Variants in MTR observed in about 807,000 individuals in gnomAD.
MTR encodes 5-methyltetrahydrofolate-homocysteine methyltransferase.
MTR carries 84 observed loss-of-function variants against 154.8 expected under a neutral mutation model. The observed-to-expected ratio is 0.54, with a 90% CI of 0.45 to 0.65. The LOEUF (loss-of-function observed/expected upper bound fraction) is 0.65. Ranked by LOEUF, MTR falls within the 30% of genes least tolerant of loss-of-function variation. MTR has a pLI of 0.00. For synonymous variants in MTR, 554 were observed against 553.9 expected (o/e 1.00, Z 0.00); for missense variants, 1,275 against 1,570.2 (o/e 0.81, Z 3.18).
chr1:236,816,623 G>A (rs1234162836), intron 8 of MTR, 80 bp downstream of exon 8: 29 of 1,161,304 alleles, frequency 2.5e-5, no homozygotes, highest in African/African-American at 6.1e-5. Context: ...ACCTGGGAGG[G>A]GATTGCTTCT....
At chr1:236,809,651 A>G in intron 4 of MTR, among the ~76,000 whole-genome samples, 1 of 152,180 alleles carries the variant, frequency 6.6e-6, no homozygotes, top group South Asian at 2.1e-4. Flanking sequence ...TACCCACGTT[A>G]TTGGTTAGCT....
At chr1:236,885,426 T>C (rs1472877135) in intron 26 of MTR, among the ~76,000 whole-genome samples, 1 of 152,190 alleles carries the variant, frequency 6.6e-6, no homozygotes, top group African/African-American at 2.4e-5. Flanking sequence ...GAATTTTATT[T>C]ATTCAGCCAA....
At position 236,817,529 on chromosome 1, in the gene MTR, T is replaced by G. The variant is rs74146640; in HGVS notation, c.764+986T>G. On this transcript the variant is annotated intron_variant, in intron 8 of 32. Transcript: ENST00000366577. ...TGTTCTAAGTGCTTTATGTGAATTC[T>G]TTAATTCTGGCAATAACACCTTGAG... 1.2e-3 allele frequency among the ~76,000 whole-genome samples: 177 copies of G among 152,340 alleles called. 1 individual carries two copies. Among genetic ancestry groups the G allele is most frequent in the African/African-American group, 4.2e-3 (173 of 41,574 alleles).
rs1398094914 is a variant in MTR at position 236,874,917 on chromosome 1, AC to A, written c.2594+73del. The A allele has an allele frequency of 8.4e-6, 13 of 1,546,398 alleles. No individual in the cohort carries two copies. The East Asian group carries it at 2.8e-4, about 33-fold the overall frequency. On this transcript the variant is annotated intron_variant, in intron 24 of 32. Transcript: ENST00000366577. Reference sequence around the variant, plus strand: ...ATGCCAGTGTTTGAAACAGTGGGAAACCTGTGTTGTTTTGGATTTTCCCTTA... The same window carrying A: ...ATGCCAGTGTTTGAAACAGTGGGAAACTGTGTTGTTTTGGATTTTCCCTTA...
chr1:236,889,736 G>A (rs1414011391), intron 28 of MTR, among the ~76,000 whole-genome samples: 1 of 152,168 alleles, frequency 6.6e-6, no homozygotes, highest in Non-Finnish European at 1.5e-5. Flanking sequence ...GGACAAGGTG[G>A]TGTTCGAACT....
rs1201268917 is a variant in MTR at position 236,826,959 on chromosome 1, A to G, written c.995+63A>G. 8 of 1,458,516 alleles carry G rather than the reference A, an allele frequency of 5.5e-6. No individual in the cohort carries two copies. In the African/African-American group the frequency reaches 7.0e-5, roughly 13 times the overall value. 90.3% of individuals were successfully genotyped at this position (1,458,516 alleles called of 1,614,324 possible). A position where few individuals can be genotyped will look rare whatever the true frequency, so the allele number is the denominator to read the frequency against. On this transcript the variant is annotated intron_variant, in intron 11 of 32. Coordinates refer to ENST00000366577, the MANE Select transcript of MTR (RefSeq NM_000254.3). The stretch of plus-strand genomic sequence containing the variant: ...TGGATAATCAGGTAATAATCTAAAT[A>G]TGTACTTTTTGTTATGGGCTGAATT...
At chr1:236,819,446 C>G (rs549700031) in intron 8 of MTR, among the ~76,000 whole-genome samples, 11 of 152,114 alleles carry the variant, frequency 7.2e-5, no homozygotes, top group Non-Finnish European at 1.6e-4. Context: ...TTCTTTTTAA[C>G]GCTAAATAAT....
At chr1:236,804,581 A>G (rs1371625162) in intron 2 of MTR, among the ~76,000 whole-genome samples, 1 of 152,208 alleles carries the variant, frequency 6.6e-6, no homozygotes, top group South Asian at 2.1e-4. Context: ...TATTCCATGT[A>G]TATATCATCA....
chr1:236,842,653 A>G (rs1194972759), intron 15 of MTR, among the ~76,000 whole-genome samples: 1 of 151,892 alleles, frequency 6.6e-6, no homozygotes, highest in African/African-American at 2.4e-5. Context: ...TATCCTGAGC[A>G]CTTAGTATGT....
intron 2 of MTR, among the ~76,000 whole-genome samples, chr1:236,804,776 G>A (rs1030382515): frequency 6.6e-6 from 1 of 151,996 alleles, no homozygotes; most frequent in Non-Finnish European, 1.5e-5. Context: ...GGTGTGTGTC[G>A]TCCCAGATTC....
chr1:236,802,206 G>T (rs1201154961), intron 1 of MTR, among the ~76,000 whole-genome samples: 1 of 152,142 alleles, frequency 6.6e-6, no homozygotes, highest in Non-Finnish European at 1.5e-5. Context: ...TCTGGGAAGG[G>T]TGTTGCCATT....
In MTR at chr1:236,812,842, A is replaced by C. The variant is rs2103047978; in HGVS notation, c.607A>C (p.Lys203Gln). ...IETIFDTANA[K>Q]AALFALQNLF... ...AACTATTTTTGATACTGCCAATGCC[A>C]AGGTGAGTTAAGGGAGAAAAAACAG... The change falls in exon 6 of 33, where the codon AAG becomes CAG. Residue 203 changes from lysine (K) to glutamine (Q), a missense_variant and splice_region_variant. Transcript: ENST00000366577. 6.2e-7 allele frequency: 1 copy of C among 1,613,368 alleles called. No homozygotes were observed. The highest frequency in any genetic ancestry group is 1.1e-5 in the South Asian group (1 of 91,062).
chr1:236,901,933 T>TACGCA lies in MTR; in HGVS notation c.*4293_*4294insAACGC, dbSNP rs368765027. ...GTTGGTTCTCAAGCCCTGGCGATTT[T>TACGCA]ACGCGCTAGATAGGTCTTAAGTTCA... On this transcript the variant is annotated 3_prime_UTR_variant, in exon 33 of 33. Coordinates refer to ENST00000366577, the MANE Select transcript of MTR (RefSeq NM_000254.3). 6.6e-6 allele frequency: 1 copy of TACGCA among 152,274 alleles called. No individual in the cohort carries two copies. Among genetic ancestry groups the TACGCA allele is most frequent in the African/African-American group, 2.4e-5 (1 of 41,450 alleles). 9.4% of individuals were successfully genotyped at this position (152,274 alleles called of 1,614,324 possible). A position where few individuals can be genotyped will look rare whatever the true frequency, so the allele number is the denominator to read the frequency against.
Position 236,795,406 on chromosome 1 carries a change from C to T in MTR, c.-298C>T. ...TCCTTTTCCGTGCCGTCCCGCGACT[C>T]CGCCTCTGGCCGCGCGTGTCTGGCT... is the stretch of plus-strand genomic sequence containing the variant. On this transcript the variant is annotated 5_prime_UTR_variant, in exon 1 of 33. Coordinates refer to ENST00000366577, the MANE Select transcript of MTR (RefSeq NM_000254.3). The T allele has an allele frequency of 1.4e-6, 2 of 1,450,446 alleles. No individual in the cohort carries two copies. The highest frequency in any genetic ancestry group is 1.8e-6 in the Non-Finnish European group (2 of 1,091,956). The allele number at this position is 1,450,446 out of a possible 1,614,324, so 89.8% of individuals were successfully genotyped here.
At chr1:236,874,616 TTTTGGTCTTCA>T (rs1215337214) in intron 23 of MTR, 99 bp from the exon 24 acceptor site, 86 of 873,410 alleles carry the variant, frequency 9.8e-5, no homozygotes, top group Non-Finnish European at 1.5e-4. Context: ...ATGTTAGGTC[TTTTGGTCTTCA>T]TTACAAAGTT....
In MTR at chr1:236,835,418, A is replaced by G. The variant is rs552955769; in HGVS notation, c.1189-129A>G. On this transcript the variant is annotated intron_variant, in intron 13 of 32. Transcript: ENST00000366577. ...AGTGATGGGTGGACAGCAGGCCCGGAGTCAGGGAGTCTGGCGAGGTAGTCT... is the reference window on the plus strand; with the variant it reads ...AGTGATGGGTGGACAGCAGGCCCGGGGTCAGGGAGTCTGGCGAGGTAGTCT... 1.5e-5 allele frequency: 16 copies of G among 1,086,000 alleles called. No homozygotes were observed. In the South Asian group the frequency reaches 1.8e-4, roughly 12 times the overall value. 67.3% of individuals were successfully genotyped at this position (1,086,000 alleles called of 1,614,324 possible).
rs953068166 is a variant in MTR at position 236,903,380 on chromosome 1, A to G, written c.*5736A>G. 1 of 152,120 alleles carries G rather than the reference A, an allele frequency of 6.6e-6. No individual in the cohort carries two copies. Among genetic ancestry groups the G allele is most frequent in the African/African-American group, 2.4e-5 (1 of 41,414 alleles). The allele number at this position is 152,120 out of a possible 1,614,324, so 9.4% of individuals were successfully genotyped here. On this transcript the variant is annotated 3_prime_UTR_variant, in exon 33 of 33. Transcript: ENST00000366577. ...GAAAAGTGAGGATTTAAATGAAGTA[A>G]CCCCTAAACTCAGCCAGTCCCATGT...
Position 236,861,180 on chromosome 1 carries a change from A to G in MTR, c.2099A>G (p.Lys700Arg), listed in dbSNP as rs1664524472. ...DTEEARLNQK[K>R]YPRPLNIIEG... is the part of the protein sequence containing the mutation. ...GAGGAAGCCAGGTTAAACCAAAAAA[A>G]ATATCCCCGACCTCTCAATATAATT... Residue 700 changes from lysine to arginine, a missense_variant, in exon 20 of 33, where the codon AAA becomes AGA. Lys to Arg is a conservative substitution (Grantham distance 26, BLOSUM62 2). Coordinates refer to ENST00000366577, the MANE Select transcript of MTR (RefSeq NM_000254.3). The G allele has an allele frequency of 6.2e-7, 1 of 1,613,310 alleles. No individual in the cohort carries two copies. The highest frequency in any genetic ancestry group is 8.5e-7 in the Non-Finnish European group (1 of 1,179,874).
Position 236,832,092 on chromosome 1 carries a change from T to C in MTR, c.1188+14T>C, listed in dbSNP as rs1002015907. The C allele has an allele frequency of 1.9e-6, 3 of 1,593,718 alleles. No homozygotes were observed. The highest frequency in any genetic ancestry group is 2.6e-6 in the Non-Finnish European group (3 of 1,161,504). On this transcript the variant is annotated intron_variant, in intron 13 of 32. Coordinates refer to ENST00000366577, the MANE Select transcript of MTR (RefSeq NM_000254.3). ...GGAAACTATGAAGTGAGCATCTTAA[T>C]AAGACCCCTGAGGCATCTGCCCATG...
Sources: allele counts gnomAD v4.1 joint callset (sites outside exome capture counted in the v4.1 genomes callset), GRCh38; gene constraint gnomAD v4.1.1; transcripts MANE v1.5; gene names NCBI Gene and HGNC (gene_info 2026-07-23, HGNC 2026-07-21).